Variants in NEK6 observed in about 807,000 individuals in gnomAD.
NEK6 encodes NIMA related kinase 6, also known as serine/threonine-protein kinase Nek6.
NEK6 carries 27 observed loss-of-function variants against 43.5 expected under a neutral mutation model. The observed-to-expected ratio is 0.62, with a 90% CI of 0.46 to 0.86. NEK6 has a LOEUF of 0.86. Among genes scored for constraint, NEK6 ranks in the 40% least tolerant of loss-of-function variants. NEK6 has a pLI of 0.00. For synonymous variants in NEK6, 167 were observed against 164.1 expected, an observed-to-expected ratio of 1.02 and a Z score of -0.14; for missense variants, 318 against 414.4, an observed-to-expected ratio of 0.77 and a Z score of 2.02.
chr9:124,316,589 ACCAAGAGG>A (rs926604921), intron 4 of NEK6, among the ~76,000 whole-genome samples: 1 of 152,038 alleles, frequency 6.6e-6, no homozygotes, highest in African/African-American at 2.4e-5. Flanking sequence ...ACCTGGGCCC[ACCAAGAGG>A]CCACAGGCTG....
rs1389199121 is a variant in NEK6 at position 124,326,893 on chromosome 9, C to T, written c.515-445C>T. 2.6e-5 allele frequency among the ~76,000 whole-genome samples: 4 copies of T among 152,294 alleles called. No homozygotes were observed. Among genetic ancestry groups the T allele is most frequent in the African/African-American group, 4.8e-5 (2 of 41,566 alleles). ...ACGTAGGCTGCTTCATGGACACCTC[C>T]GTTCCTTCACTCTACCTGTATCTCT... On this transcript the variant is annotated intron_variant, in intron 6 of 9. Transcript: ENST00000320246. This position sits in a 1 kb window ranked among gnomAD's most constrained non-coding sequence, Gnocchi z 4.5.
chr9:124,344,456 G>A (rs1386026222), intron 8 of NEK6, among the ~76,000 whole-genome samples: 3 of 152,222 alleles, frequency 2.0e-5, no homozygotes, highest in Non-Finnish European at 4.4e-5. Flanking sequence ...CTGGCCCTCG[G>A]GTGGGGCCCC....
At chr9:124,300,904 T>A (rs1314113915) in intron 1 of NEK6, among the ~76,000 whole-genome samples, 1 of 152,188 alleles carries the variant, frequency 6.6e-6, no homozygotes, top group Admixed American at 6.5e-5. Context: ...TGTGGTCACA[T>A]GAGAGGTGCC....
At chr9:124,300,701 G>C (rs1201244709) in intron 1 of NEK6, among the ~76,000 whole-genome samples, 1 of 152,168 alleles carries the variant, frequency 6.6e-6, no homozygotes, top group African/African-American at 2.4e-5. Flanking sequence ...CGCGCCGGGG[G>C]CTCTAGGATA....
chr9:124,326,208 C>A lies in NEK6; in HGVS notation c.406-122C>A, dbSNP rs1188631109. The A allele has an allele frequency of 1.6e-5, 3 of 186,842 alleles. No individual in the cohort carries two copies. Among genetic ancestry groups the A allele is most frequent in the East Asian group, 7.3e-5 (1 of 13,702 alleles). The allele number at this position is 186,842 out of a possible 1,614,324, so 11.6% of individuals were successfully genotyped here. A position where few individuals can be genotyped will look rare whatever the true frequency, so the allele number is the denominator to read the frequency against. ...TGTTTGCTCAGTGGCTCAATCCCCC[C>A]CCCCCGCCCCTGCCAGGCACCAGTT... On this transcript the variant is annotated intron_variant, in intron 5 of 9. Coordinates refer to ENST00000320246, the MANE Select transcript of NEK6 (RefSeq NM_014397.6). This position sits in a 1 kb window ranked among gnomAD's most constrained non-coding sequence, Gnocchi z 4.5.
At chr9:124,278,412 G>C (rs1831737091) in intron 1 of NEK6, among the ~76,000 whole-genome samples, 1 of 152,220 alleles carries the variant, frequency 6.6e-6, no homozygotes. Flanking sequence ...TAGTGTCCCA[G>C]GCATTGAGGA....
chr9:124,266,296 C>T (rs1043481195), intron 1 of NEK6, among the ~76,000 whole-genome samples: 1 of 152,210 alleles, frequency 6.6e-6, no homozygotes, highest in African/African-American at 2.4e-5. Flanking sequence ...CCCAGTGATG[C>T]CGTGATGTGG....
chr9:124,286,192 G>C (rs1027501602), intron 1 of NEK6, among the ~76,000 whole-genome samples: 1 of 152,238 alleles, frequency 6.6e-6, no homozygotes, highest in African/African-American at 2.4e-5. Flanking sequence ...CTTCGGGCTG[G>C]CTGGGGGCCT....
chr9:124,339,001 C>G (rs934436189), intron 7 of NEK6, among the ~76,000 whole-genome samples: 2 of 151,126 alleles, frequency 1.3e-5, no homozygotes, highest in African/African-American at 4.9e-5. Flanking sequence ...CAACCCCCAG[C>G]TCTCCAGCCC....
chr9:124,307,455 C>T (rs1792241424), intron 2 of NEK6, among the ~76,000 whole-genome samples: 1 of 152,214 alleles, frequency 6.6e-6, no homozygotes, highest in South Asian at 2.1e-4. Context: ...CCCCAGGGCC[C>T]TTGTTCCAGC....
At chr9:124,291,349 G>T (rs893432699) in intron 1 of NEK6, among the ~76,000 whole-genome samples, 2 of 152,310 alleles carry the variant, frequency 1.3e-5, no homozygotes, top group African/African-American at 4.8e-5. Flanking sequence ...AGCAAGGGCC[G>T]GTCACGGTGG....
chr9:124,257,894 C>G, upstream of NEK6: 1 of 964,830 alleles, frequency 1.0e-6, no homozygotes, highest in African/African-American at 1.8e-5. Flanking sequence ...GCGCTGGGGG[C>G]GGCGCGGCCC....
chr9:124,344,213 A>G (rs1829799895), intron 8 of NEK6, among the ~76,000 whole-genome samples: 1 of 152,064 alleles, frequency 6.6e-6, no homozygotes, highest in Non-Finnish European at 1.5e-5. Flanking sequence ...CCACCTGGAT[A>G]ATGCCCCCAT....
At chr9:124,315,873 G>C (rs1336985576) in intron 4 of NEK6, among the ~76,000 whole-genome samples, 1 of 152,254 alleles carries the variant, frequency 6.6e-6, no homozygotes, top group African/African-American at 2.4e-5. Flanking sequence ...CTGCAGGCCA[G>C]CCATGGGCCT....
At chr9:124,316,883 A>G (rs1020701299) in intron 4 of NEK6, among the ~76,000 whole-genome samples, 2 of 152,154 alleles carry the variant, frequency 1.3e-5, no homozygotes, top group East Asian at 3.9e-4. Flanking sequence ...CTTCCTACCC[A>G]ACCCCTCTCA....
chr9:124,285,704 G>A (rs1204681221), intron 1 of NEK6, among the ~76,000 whole-genome samples: 1 of 152,156 alleles, frequency 6.6e-6, no homozygotes, highest in Non-Finnish European at 1.5e-5. Context: ...GAAAGGACAC[G>A]AGATAGCAGC....
intron 1 of NEK6, among the ~76,000 whole-genome samples, chr9:124,290,349 G>A (rs574742383): frequency 6.6e-6 from 1 of 152,254 alleles, no homozygotes; most frequent in Non-Finnish European, 1.5e-5. Context: ...CGGCCCCCAG[G>A]GCCTGTGGAT....
chr9:124,305,821 C>T (rs1379631301), intron 2 of NEK6, among the ~76,000 whole-genome samples: 3 of 152,130 alleles, frequency 2.0e-5, no homozygotes, highest in African/African-American at 4.8e-5. Context: ...CAGGGAGAGG[C>T]CCCAGACCTG....
chr9:124,279,212 T>C (rs1831783409), intron 1 of NEK6, among the ~76,000 whole-genome samples: 1 of 145,858 alleles, frequency 6.9e-6, no homozygotes, highest in East Asian at 2.0e-4. Flanking sequence ...GGCAGGGAGC[T>C]CCCCCTCGGA....
Sources: allele counts gnomAD v4.1 joint callset (sites outside exome capture counted in the v4.1 genomes callset), GRCh38; gene constraint gnomAD v4.1.1; non-coding constraint Gnocchi (gnomAD v3.1); transcripts MANE v1.5; gene names NCBI Gene and HGNC (gene_info 2026-07-23, HGNC 2026-07-21).